Variants in ZFP90 observed in about 807,000 individuals in gnomAD.
ZFP90 encodes zinc finger protein 90 homolog.
ZFP90 carries 38 observed loss-of-function variants against 60.8 expected under a neutral mutation model. The observed-to-expected ratio is 0.62, with a 90% CI of 0.48 to 0.82. The LOEUF is 0.82. Ranked by LOEUF, ZFP90 falls within the 40% of genes least tolerant of loss-of-function variation. The probability of loss-of-function intolerance (pLI) is 0.00; values close to 1 mark genes in which losing one functional copy is unlikely to be tolerated. For missense variants in ZFP90, 711 were observed against 759.1 expected, an observed-to-expected ratio of 0.94 and a Z score of 0.74; for synonymous variants, 287 against 264.8, an observed-to-expected ratio of 1.08 and a Z score of -0.82.
intron 2 of ZFP90, among the ~76,000 whole-genome samples, chr16:68,544,864 C>CTTTTTTTTTTTT (rs71148911): frequency 1.5e-5 from 1 of 66,564 alleles, no homozygotes; most frequent in Non-Finnish European, 2.7e-5. Flanking sequence ...CTGTGAACAC[C>CTTTTTTTTTTTT]TTTTTTTTTT....
At chr16:68,561,043 C>T (rs539131274) in intron 4 of ZFP90, among the ~76,000 whole-genome samples, 8 of 152,166 alleles carry the variant, frequency 5.3e-5, no homozygotes, top group African/African-American at 7.2e-5. Flanking sequence ...TACAGGCACA[C>T]GCCACCATGC....
At chr16:68,534,566 C>G (rs1209075889), upstream of ZFP90, among the ~76,000 whole-genome samples, 1 of 151,258 alleles carries the variant, frequency 6.6e-6, no homozygotes, top group African/African-American at 2.4e-5. Flanking sequence ...ATTTTGGACT[C>G]TTGTTCTTTA....
intron 2 of ZFP90, among the ~76,000 whole-genome samples, chr16:68,542,365 C>T (rs987190406): frequency 2.0e-5 from 3 of 152,030 alleles, no homozygotes; most frequent in South Asian, 4.1e-4. Flanking sequence ...CGGAGGCAAG[C>T]GGATCACTTG....
intron 2 of ZFP90, among the ~76,000 whole-genome samples, chr16:68,541,165 A>G (rs1286722694): frequency 6.6e-6 from 1 of 152,008 alleles, no homozygotes; most frequent in Non-Finnish European, 1.5e-5. Flanking sequence ...CCTCCCTAGT[A>G]GCTGGGATTA....
At position 68,563,110 on chromosome 16, in the gene ZFP90, G is replaced by A; in HGVS notation, c.323G>A (p.Cys108Tyr). Residue 108 changes from cysteine to tyrosine, a missense_variant, in exon 5 of 5, where the codon TGC (cysteine) becomes TAC (tyrosine). Around this residue, in one of 5 missense-constraint regions of ZFP90, gnomAD observed 241 missense variants for 247.6 expected, o/e 0.97. Transcript: ENST00000563169. ...CAGGATGTATCAGAAGTATCCCACTGCACACATGATCTCTTACATGCTACA... is the reference window on the plus strand; with the variant it reads ...CAGGATGTATCAGAAGTATCCCACTACACACATGATCTCTTACATGCTACA... ...LQQDVSEVSH[C>Y]THDLLHATLE... The A allele has an allele frequency of 6.2e-7, 1 of 1,614,150 alleles. No individual in the cohort carries two copies. The highest frequency in any genetic ancestry group is 8.5e-7 in the Non-Finnish European group (1 of 1,180,022).
Position 68,563,842 on chromosome 16 carries a change from CCCTCA to C in ZFP90, c.1057_1061del (p.Leu353SerfsTer15). 1.2e-6 allele frequency: 2 copies of C among 1,613,986 alleles called. No homozygotes were observed. Among genetic ancestry groups the C allele is most frequent in the Non-Finnish European group, 1.7e-6 (2 of 1,179,996 alleles). On this transcript the variant is annotated frameshift_variant, in exon 5 of 5. Coordinates refer to ENST00000563169, the MANE Select transcript of ZFP90 (RefSeq NM_001305203.2). LOFTEE classifies it high-confidence loss of function. ...GGGAGGTCCTTTAGGCATGGCACAT[CCCTCA>C]CTCAACACGAGGTCACACACAGTGG...
chr16:68,551,040 A>T (rs2091250892), intron 2 of ZFP90, among the ~76,000 whole-genome samples: 2 of 152,196 alleles, frequency 1.3e-5, no homozygotes. Flanking sequence ...TTAAACTATG[A>T]TCAATCTGGT....
At chr16:68,569,626 G>A (rs1475404026), downstream of ZFP90, among the ~76,000 whole-genome samples, 1 of 152,100 alleles carries the variant, frequency 6.6e-6, no homozygotes, top group Non-Finnish European at 1.5e-5. Flanking sequence ...AAGAGGCCAG[G>A]TGCAGTGACT....
chr16:68,537,704 C>T (rs554895718), upstream of ZFP90, among the ~76,000 whole-genome samples: 16 of 151,946 alleles, frequency 1.1e-4, no homozygotes, highest in Admixed American at 2.6e-4. Context: ...TAGCTGGGAC[C>T]ACAGGCGCAC....
rs899233423 is a variant in ZFP90 at position 68,566,124 on chromosome 16, C to G, written c.*1426C>G. ...TTCCAGCCTGAGCAACAGAGCAAGA[C>G]ACACACACATCAATTTATTTTAGTT... is the stretch of plus-strand genomic sequence containing the variant. On this transcript the variant is annotated 3_prime_UTR_variant, in exon 5 of 5. Coordinates refer to ENST00000563169, the MANE Select transcript of ZFP90 (RefSeq NM_001305203.2). 13 of 982,006 alleles carry G rather than the reference C, an allele frequency of 1.3e-5. No homozygotes were observed. The highest frequency in any genetic ancestry group is 1.5e-5 in the Non-Finnish European group (12 of 826,974). 60.8% of individuals were successfully genotyped at this position (982,006 alleles called of 1,614,324 possible).
At chr16:68,557,541 G>A (rs1246877610) in intron 2 of ZFP90, among the ~76,000 whole-genome samples, 2 of 151,958 alleles carry the variant, frequency 1.3e-5, no homozygotes, top group African/African-American at 4.8e-5. Context: ...GGTTAAGTGG[G>A]TGGGTGGGGT....
downstream of ZFP90, among the ~76,000 whole-genome samples, chr16:68,571,228 A>G (rs1597760005): frequency 6.6e-6 from 1 of 152,240 alleles, no homozygotes; most frequent in Non-Finnish European, 1.5e-5. Flanking sequence ...CTATGTAAAG[A>G]GTAATACATC....
intron 2 of ZFP90, among the ~76,000 whole-genome samples, chr16:68,544,736 C>G (rs1222653176): frequency 6.6e-6 from 1 of 152,124 alleles, no homozygotes; most frequent in African/African-American, 2.4e-5. Context: ...CTCCCTCTGT[C>G]CAGAGGTTCC....
chr16:68,565,636 A>G lies in ZFP90; in HGVS notation c.*938A>G. Reference sequence around the variant, plus strand: ...TTATTGTACTTTTTATGGCATGCCCATGAAAAAGCACTTTCTTAAGCCTAC... The same window carrying G: ...TTATTGTACTTTTTATGGCATGCCCGTGAAAAAGCACTTTCTTAAGCCTAC... On this transcript the variant is annotated 3_prime_UTR_variant, in exon 5 of 5. Transcript: ENST00000563169. The G allele has an allele frequency of 1.0e-6, 1 of 985,548 alleles. No homozygotes were observed. The highest frequency in any genetic ancestry group is 1.2e-6 in the Non-Finnish European group (1 of 829,930). The allele number at this position is 985,548 out of a possible 1,614,324, so 61.1% of individuals were successfully genotyped here. A position where few individuals can be genotyped will look rare whatever the true frequency, so the allele number is the denominator to read the frequency against.
At position 68,564,853 on chromosome 16, in the gene ZFP90, T is replaced by TTTA. The variant is rs2091500702; in HGVS notation, c.*155_*156insTTA. ...TGCCAGTAGACAGATTTTTTTTTTT[T>TTTA]AACATAAAGACACATTCTCAGATCT... On this transcript the variant is annotated 3_prime_UTR_variant, in exon 5 of 5. Transcript: ENST00000563169. The TTTA allele has an allele frequency of 9.2e-6, 13 of 1,405,962 alleles. No homozygotes were observed. The South Asian group carries it at 1.2e-4, about 13-fold the overall frequency. 87.1% of individuals were successfully genotyped at this position (1,405,962 alleles called of 1,614,324 possible).
chr16:68,536,936 A>T (rs1313061538), upstream of ZFP90, among the ~76,000 whole-genome samples: 1 of 152,138 alleles, frequency 6.6e-6, no homozygotes, highest in Non-Finnish European at 1.5e-5. Context: ...GCCTTGTTCC[A>T]TCAAGTCCCA....
chr16:68,534,903 T>A (rs1007951103), upstream of ZFP90, among the ~76,000 whole-genome samples: 10 of 152,088 alleles, frequency 6.6e-5, no homozygotes, highest in South Asian at 4.2e-4. Flanking sequence ...CAAGACTGTC[T>A]CAAAAAATAA....
chr16:68,557,096 T>G, intron 2 of ZFP90: 1 of 436,126 alleles, frequency 2.3e-6, no homozygotes. Context: ...CAAGTGATCC[T>G]TCCAGCTCAG....
At chr16:68,575,770 G>A (rs1050914754) in intron 2 of ZFP90, 8 of 398,158 alleles carry the variant, frequency 2.0e-5, no homozygotes, top group African/African-American at 1.4e-4. Flanking sequence ...TTTCAGTGGG[G>A]ACCTGTTCCT....
Sources: gnomAD v4.1 joint callset for allele counts (sites outside exome capture counted in the v4.1 genomes callset) on GRCh38, gnomAD v4.1.1 for gene constraint, gnomAD v4.1.1 regional missense constraint, MANE v1.5 for transcripts, NCBI Gene and HGNC (gene_info 2026-07-23, HGNC 2026-07-21) for gene names.